Variants in ADGRA3 observed in about 807,000 individuals in gnomAD.
ADGRA3 encodes the protein G-protein coupled receptor 125.
Under a neutral mutation model 119.8 loss-of-function variants are expected in ADGRA3, and 56 were observed. The observed-to-expected ratio is 0.47, with a 90% confidence interval of 0.38 to 0.58. The LOEUF is 0.58. ADGRA3 is among the 20% of genes least tolerant of loss of function. The probability of loss-of-function intolerance (pLI) is 0.00; values close to 1 mark genes in which losing one functional copy is unlikely to be tolerated. For missense variants in ADGRA3, 1,516 were observed against 1,649.0 expected (o/e 0.92, Z 1.40); for synonymous variants, 607 against 623.8 (o/e 0.97, Z 0.40).
At chr4:22,503,473 G>GT (rs1227932257) in intron 1 of ADGRA3, among the ~76,000 whole-genome samples, 1 of 152,146 alleles carries the variant, frequency 6.6e-6, no homozygotes, top group Non-Finnish European at 1.5e-5. Context: ...CAACAACTAT[G>GT]TTAAAGAACC....
intron 7 of ADGRA3, among the ~76,000 whole-genome samples, chr4:22,442,160 T>C (rs1365891378): frequency 6.6e-6 from 1 of 152,164 alleles, no homozygotes; most frequent in African/African-American, 2.4e-5. Flanking sequence ...TATTATACTT[T>C]ATAAAGTATT....
rs144803112 is a variant in ADGRA3, at chr4:22,459,507, T to A, written c.401+2230A>T. On this transcript the variant is annotated intron_variant, in intron 3 of 18. Coordinates refer to ENST00000334304, the MANE Select transcript of ADGRA3 (RefSeq NM_145290.4). The stretch of plus-strand genomic sequence containing the variant: ...AATAAAGAAATAGGTTTTAAACGAC[T>A]AAATAAGACAGACGATGTCAAAAGT... 1.7e-3 allele frequency among the ~76,000 whole-genome samples: 260 copies of A among 152,082 alleles called. 2 individuals are homozygous for A. Among genetic ancestry groups the A allele is most frequent in the African/African-American group, 6.1e-3 (254 of 41,484 alleles).
At chr4:22,420,565 A>T in intron 12 of ADGRA3, 1 of 407,440 alleles carries the variant, frequency 2.5e-6, no homozygotes. Flanking sequence ...GCAAAAAAAC[A>T]AATAAATAAA....
At chr4:22,428,349 G>GAA (rs35955836) in intron 10 of ADGRA3, among the ~76,000 whole-genome samples, 2,307 of 146,356 alleles carry the variant, frequency 0.016, 59 homozygotes, top group African/African-American at 0.052. Flanking sequence ...GGTAAAATAA[G>GAA]AAAAAAAAAA....
intron 12 of ADGRA3, among the ~76,000 whole-genome samples, chr4:22,416,039 A>G (rs115084622): frequency 0.013 from 2,037 of 152,324 alleles, 42 homozygotes; most frequent in African/African-American, 0.047. Context: ...AGCCGTATCA[A>G]TAATGTTTAG....
At chr4:22,512,000 G>A (rs1378851527) in intron 1 of ADGRA3, among the ~76,000 whole-genome samples, 3 of 142,178 alleles carry the variant, frequency 2.1e-5, no homozygotes, top group African/African-American at 7.8e-5. Flanking sequence ...GGGTTCAAGC[G>A]ATTCTCCTGC....
intron 14 of ADGRA3, among the ~76,000 whole-genome samples, chr4:22,406,700 C>G (rs1714944029): frequency 6.6e-6 from 1 of 151,832 alleles, no homozygotes; most frequent in Non-Finnish European, 1.5e-5. Flanking sequence ...GTTATTAATC[C>G]CACAAGAGCA....
intron 1 of ADGRA3, among the ~76,000 whole-genome samples, chr4:22,476,712 G>T (rs545562832): frequency 6.6e-6 from 1 of 151,696 alleles, no homozygotes; most frequent in South Asian, 2.1e-4. Context: ...TGCTGCCCAG[G>T]TTGGAATACA....
chr4:22,389,241 C>T (rs1159158602), intron 17 of ADGRA3, 58 bp from the exon 18 acceptor site: 9 of 1,071,390 alleles, frequency 8.4e-6, no homozygotes, highest in Non-Finnish European at 1.3e-5. Flanking sequence ...ACATGTATCT[C>T]TCATAATGTC....
chr4:22,506,819 A>G (rs1719255939), intron 1 of ADGRA3, among the ~76,000 whole-genome samples: 2 of 152,170 alleles, frequency 1.3e-5, no homozygotes, highest in South Asian at 4.1e-4. Context: ...AATTGTGTGT[A>G]TTTGAACATA....
In ADGRA3 at chr4:22,421,060, A is replaced by G. The variant is rs1715655519; in HGVS notation, c.1635T>C (p.Tyr545=). 3 of 1,614,010 alleles carry G rather than the reference A, an allele frequency of 1.9e-6. No individual in the cohort carries two copies. The highest frequency in any genetic ancestry group is 2.5e-6 in the Non-Finnish European group (3 of 1,179,904). The change falls in exon 12 of 19, where the codon TAT becomes TAC. Residue 545 remains tyrosine, a synonymous_variant. Coordinates refer to ENST00000334304, the MANE Select transcript of ADGRA3 (RefSeq NM_145290.4). ...CCGTGAAGCCAGTAGACTTGATGACATAAGCTTCCAGAGCAATATTGGGTG... is the reference window on the plus strand; with the variant it reads ...CCGTGAAGCCAGTAGACTTGATGACGTAAGCTTCCAGAGCAATATTGGGTG... ...TYSPNIALEA[Y]VIKSTGFTGM... is the part of the protein sequence containing the mutation.
chr4:22,416,512 A>G (rs1205229334), intron 12 of ADGRA3, among the ~76,000 whole-genome samples: 1 of 152,110 alleles, frequency 6.6e-6, no homozygotes, highest in Non-Finnish European at 1.5e-5. Flanking sequence ...AAACACAGCT[A>G]ATCATCTTTG....
At chr4:22,501,856 C>T (rs974147924) in intron 1 of ADGRA3, among the ~76,000 whole-genome samples, 10 of 151,402 alleles carry the variant, frequency 6.6e-5, no homozygotes, top group African/African-American at 2.4e-4. Flanking sequence ...TCTGTGGTTG[C>T]TAACGTCTAG....
Position 22,435,300 on chromosome 4 carries a change from TAG to T in ADGRA3, c.1443+9_1443+10del, listed in dbSNP as rs1229225941. 2.5e-6 allele frequency: 4 copies of T among 1,607,316 alleles called. No individual in the cohort carries two copies. The East Asian group carries it at 8.9e-5, about 36-fold the overall frequency. ...ACACTGTATGCTACAAATCTGAATT[TAG>T]AGAAGTACCTCTTTTGATTTTTCCT... On this transcript the variant is annotated intron_variant, in intron 10 of 18. Coordinates refer to ENST00000334304, the MANE Select transcript of ADGRA3 (RefSeq NM_145290.4).
At chr4:22,487,576 A>G (rs1718474742) in intron 1 of ADGRA3, among the ~76,000 whole-genome samples, 1 of 152,120 alleles carries the variant, frequency 6.6e-6, no homozygotes, top group South Asian at 2.1e-4. Context: ...CTTGGTCTAA[A>G]TAACAGTATA....
At chr4:22,394,649 A>C (rs4697295) in intron 16 of ADGRA3, 141,451 of 152,166 alleles carry the variant, frequency 0.93, 66,434 homozygotes, top group Non-Finnish European at 1. Flanking sequence ...CAAAGGTCAA[A>C]AGAATGAGGT....
At chr4:22,490,154 T>C (rs528744886) in intron 1 of ADGRA3, among the ~76,000 whole-genome samples, 43 of 152,370 alleles carry the variant, frequency 2.8e-4, no homozygotes, top group African/African-American at 1.0e-3. Flanking sequence ...AGCATTAAAC[T>C]GTAAGTTTAC....
At chr4:22,461,389 T>G (rs1223472027) in intron 3 of ADGRA3, among the ~76,000 whole-genome samples, 2 of 152,196 alleles carry the variant, frequency 1.3e-5, no homozygotes, top group Admixed American at 1.3e-4. Context: ...TAGTCTCCCA[T>G]TCCCAGGTTC....
At chr4:22,432,348 A>T (rs1716213494) in intron 10 of ADGRA3, among the ~76,000 whole-genome samples, 1 of 152,164 alleles carries the variant, frequency 6.6e-6, no homozygotes. Flanking sequence ...CCAGCAAGTG[A>T]TTCTGATGTG....
Sources: allele counts gnomAD v4.1 joint callset (sites outside exome capture counted in the v4.1 genomes callset), GRCh38; gene constraint gnomAD v4.1.1; transcripts MANE v1.5; gene names NCBI Gene and HGNC (gene_info 2026-07-23, HGNC 2026-07-21).